LARGE1: variants seen among roughly 807,000 people sequenced by gnomAD.
The protein encoded by LARGE1 is xylosyl- and glucuronyltransferase LARGE1.
Under a neutral mutation model 87.6 loss-of-function variants are expected in LARGE1, and 43 were observed. The ratio of observed to expected loss-of-function variants is 0.49; its 90% CI spans 0.38 to 0.63. The LOEUF is 0.63. LARGE1 is among the 30% of genes least tolerant of loss of function. The probability of loss-of-function intolerance (pLI) is 0.00; values close to 1 mark genes in which losing one functional copy is unlikely to be tolerated. For synonymous variants in LARGE1, 434 were observed against 394.6 expected, an observed-to-expected ratio of 1.10 and a Z score of -1.18; for missense variants, 802 against 1,000.2, an observed-to-expected ratio of 0.80 and a Z score of 2.67.
Position 33,438,939 on chromosome 22 carries a change from G to A in LARGE1, c.788-6674C>T, listed in dbSNP as rs565066833. 1.8e-4 allele frequency among the ~76,000 whole-genome samples: 27 copies of A among 152,168 alleles called. No individual in the cohort carries two copies. In the South Asian group the frequency reaches 2.1e-3, roughly 12 times the overall value. On this transcript the variant is annotated intron_variant, in intron 6 of 14. Transcript: ENST00000397394. Reference sequence around the variant, plus strand: ...ATTAAGATGATACAAGGCCGGGCGCGGTGGCTCACACCTGTAATCCCAGCA... The same window carrying A: ...ATTAAGATGATACAAGGCCGGGCGCAGTGGCTCACACCTGTAATCCCAGCA...
At chr22:33,699,288 C>A (rs773340219) in intron 2 of LARGE1, among the ~76,000 whole-genome samples, 7 of 152,222 alleles carry the variant, frequency 4.6e-5, no homozygotes, top group Middle Eastern at 3.2e-3. Context: ...AGTGCCTTCA[C>A]CTCTTCGCAG....
chr22:33,155,670 C>T, the LARGE1 span, among the ~76,000 whole-genome samples: 1 of 152,262 alleles, frequency 6.6e-6, no homozygotes, highest in South Asian at 2.1e-4. Flanking sequence ...AATAAAAACC[C>T]ATTTTCTGAG....
Position 33,728,551 on chromosome 22 carries a change from CAAAAAAA to C in LARGE1, c.106+32813_106+32819del, listed in dbSNP as rs57790780. Reference sequence around the variant, plus strand: ...GAGACTCCGTCTCCACCCCTACCACCAAAAAAAAAAAAAAAAAAAAAAAAAAAACCAA... The same window carrying C: ...GAGACTCCGTCTCCACCCCTACCACCAAAAAAAAAAAAAAAAAAAAACCAA... On this transcript the variant is annotated intron_variant, in intron 2 of 14. Transcript: ENST00000397394. Among the ~76,000 whole-genome samples the C allele has an allele frequency of 8.0e-4, 30 of 37,474 alleles. No homozygotes were observed. In the East Asian group the frequency reaches 0.019, roughly 23 times the overall value. 24.6% of individuals were successfully genotyped at this position (37,474 alleles called of 152,430 possible).
chr22:33,855,716 C>T (rs1273405023), intron 1 of LARGE1, among the ~76,000 whole-genome samples: 1 of 152,144 alleles, frequency 6.6e-6, no homozygotes, highest in Non-Finnish European at 1.5e-5. Context: ...CGAAGTGGAG[C>T]AAATGAAACT....
At chr22:33,102,648 C>T in the LARGE1 span, among the ~76,000 whole-genome samples, 2 of 152,110 alleles carry the variant, frequency 1.3e-5, no homozygotes, top group African/African-American at 4.8e-5. Flanking sequence ...TGCCACCTTG[C>T]CCAGCTACTT....
At chr22:33,474,540 C>G (rs989708645) in intron 6 of LARGE1, among the ~76,000 whole-genome samples, 1 of 152,242 alleles carries the variant, frequency 6.6e-6, no homozygotes, top group East Asian at 1.9e-4. Flanking sequence ...GCGCTTACCC[C>G]CTTATGCCTG....
chr22:33,677,423 C>T (rs1245234951), intron 2 of LARGE1, among the ~76,000 whole-genome samples: 1 of 152,048 alleles, frequency 6.6e-6, no homozygotes, highest in Non-Finnish European at 1.5e-5. Context: ...AACTGGAAAC[C>T]CACTGGAAAT....
chr22:33,335,509 G>T (rs1938336085), intron 10 of LARGE1, among the ~76,000 whole-genome samples: 1 of 152,256 alleles, frequency 6.6e-6, no homozygotes, highest in South Asian at 2.1e-4. Context: ...GCCCTTCCCT[G>T]CCATTGGGAG....
intron 2 of LARGE1, among the ~76,000 whole-genome samples, chr22:33,749,902 G>A (rs1172917603): frequency 6.6e-6 from 1 of 152,110 alleles, no homozygotes; most frequent in African/African-American, 2.4e-5. Context: ...AGTGACTGCA[G>A]AATAAAGGAC....
chr22:33,241,826 G>C (rs1166195086), intron 11 of LARGE1, among the ~76,000 whole-genome samples: 2 of 152,092 alleles, frequency 1.3e-5, no homozygotes, highest in Non-Finnish European at 2.9e-5. Flanking sequence ...GTAGAGAGTA[G>C]GATGATGGTT....
chr22:33,591,576 C>A lies in LARGE1; in HGVS notation c.615+12859G>T, dbSNP rs142596087. Among the ~76,000 whole-genome samples, 1,028 of 152,222 alleles carry A rather than the reference C, an allele frequency of 6.8e-3. 7 individuals are homozygous for A. The highest frequency in any genetic ancestry group is 0.023 in the African/African-American group (952 of 41,530). On this transcript the variant is annotated intron_variant, in intron 5 of 14. Transcript: ENST00000397394. ...AATCTTTCATCAGATAGATGCTTGG[C>A]AAATTCTTTCTTTCAGTCTGTAGCT...
At chr22:33,431,112 G>A (rs2067064321) in intron 7 of LARGE1, among the ~76,000 whole-genome samples, 1 of 152,182 alleles carries the variant, frequency 6.6e-6, no homozygotes, top group South Asian at 2.1e-4. Flanking sequence ...TTGAGAATGG[G>A]ATACCACAGC....
In LARGE1 at chr22:33,230,184, G is replaced by A. The variant is rs924677989; in HGVS notation, c.1731-63352C>T. 6.6e-5 allele frequency among the ~76,000 whole-genome samples: 10 copies of A among 151,734 alleles called. No individual in the cohort carries two copies. In the East Asian group the frequency reaches 1.7e-3, roughly 26 times the overall value. On this transcript the variant is annotated intron_variant, in intron 11 of 11. Coordinates refer to the LARGE1 transcript ENST00000608642. ...GCACCACCACGCCCAGCTAATTTTT[G>A]TATTTTTTTAGTAGAGATGGAGTTT...
chr22:33,187,784 C>G (rs1225499780), intron 11 of LARGE1, among the ~76,000 whole-genome samples: 2 of 151,438 alleles, frequency 1.3e-5, no homozygotes, highest in Non-Finnish European at 2.9e-5. Context: ...ATTAGCCGGG[C>G]ATGGTGGCGG....
intron 1 of LARGE1, among the ~76,000 whole-genome samples, chr22:33,875,789 T>C (rs1362756356): frequency 6.6e-6 from 1 of 152,064 alleles, no homozygotes; most frequent in East Asian, 1.9e-4. Context: ...CACAGGACAA[T>C]GAGAAGCCTG....
At chr22:33,470,993 T>C (rs1019814372) in intron 6 of LARGE1, among the ~76,000 whole-genome samples, 1 of 151,998 alleles carries the variant, frequency 6.6e-6, no homozygotes, top group Non-Finnish European at 1.5e-5. Context: ...ATAAACGTTG[T>C]AGGACTGATG....
At chr22:33,142,125 A>C in the LARGE1 span, among the ~76,000 whole-genome samples, 1 of 152,194 alleles carries the variant, frequency 6.6e-6, no homozygotes, top group Non-Finnish European at 1.5e-5. Flanking sequence ...TCAGCCAATG[A>C]TTGATCAGAG....
the LARGE1 span, among the ~76,000 whole-genome samples, chr22:33,138,911 T>C: frequency 0.42 from 64,081 of 151,970 alleles, 13,968 homozygotes; most frequent in South Asian, 0.68. Context: ...TGAATTCCCA[T>C]GTGTCATGGG....
At chr22:33,596,235 T>C (rs1413252723) in intron 5 of LARGE1, among the ~76,000 whole-genome samples, 1 of 152,252 alleles carries the variant, frequency 6.6e-6, no homozygotes, top group Admixed American at 6.5e-5. Context: ...GATTATTTTA[T>C]AATGCAGATT....
Sources: allele counts gnomAD v4.1 joint callset (sites outside exome capture counted in the v4.1 genomes callset), GRCh38; gene constraint gnomAD v4.1.1; transcripts MANE v1.5; gene names NCBI Gene and HGNC (gene_info 2026-07-23, HGNC 2026-07-21).